SPIDR: variants seen among roughly 807,000 people sequenced by gnomAD.
SPIDR encodes DNA repair-scaffolding protein.
A neutral mutation model predicts 104.6 loss-of-function variants in SPIDR; 93 were observed. That is an observed-to-expected ratio of 0.89 (90% confidence interval 0.75 to 1.06). SPIDR has a LOEUF of 1.06. Among genes scored for constraint, SPIDR ranks in the 50% least tolerant of loss-of-function variants. The probability of loss-of-function intolerance (pLI) is 0.00; values close to 1 mark genes in which losing one functional copy is unlikely to be tolerated. For synonymous variants in SPIDR, 431 were observed against 416.9 expected (o/e 1.03, Z -0.41); for missense variants, 1,154 against 1,111.2 (o/e 1.04, Z -0.55).
chr8:47,295,562 T>C (rs1554572246), intron 5 of SPIDR, among the ~76,000 whole-genome samples: 1,822 of 152,322 alleles, frequency 0.012, 20 homozygotes, highest in Non-Finnish European at 0.02. Flanking sequence ...TGTATTTGTC[T>C]TTGTGTGCCT....
chr8:47,645,490 G>A (rs1416275399), intron 10 of SPIDR, among the ~76,000 whole-genome samples: 3 of 152,066 alleles, frequency 2.0e-5, no homozygotes, highest in South Asian at 4.1e-4. Flanking sequence ...TTGGATATGC[G>A]CTTACCGTGG....
intron 8 of SPIDR, among the ~76,000 whole-genome samples, chr8:47,555,555 A>G (rs1011267074): frequency 3.3e-5 from 5 of 152,200 alleles, no homozygotes; most frequent in East Asian, 1.9e-4. Flanking sequence ...TTAAAAATCT[A>G]TAGTGTTAAC....
intron 8 of SPIDR, among the ~76,000 whole-genome samples, chr8:47,521,976 C>T (rs542632789): frequency 1.3e-5 from 2 of 151,402 alleles, no homozygotes; most frequent in South Asian, 4.2e-4. Context: ...CCAGCCTGGC[C>T]AACATGGTGA....
intron 8 of SPIDR, among the ~76,000 whole-genome samples, chr8:47,481,109 C>G (rs1166980482): frequency 6.6e-6 from 1 of 152,202 alleles, no homozygotes; most frequent in Non-Finnish European, 1.5e-5. Flanking sequence ...CTAATGCTAT[C>G]TTTGTGATGT....
At chr8:47,340,804 A>G (rs1652949398) in intron 5 of SPIDR, among the ~76,000 whole-genome samples, 1 of 152,162 alleles carries the variant, frequency 6.6e-6, no homozygotes, top group Non-Finnish European at 1.5e-5. Flanking sequence ...AATTCTGGAT[A>G]CTAAAGCTCA....
At chr8:47,634,788 C>A (rs1467782492) in intron 10 of SPIDR, among the ~76,000 whole-genome samples, 2 of 152,168 alleles carry the variant, frequency 1.3e-5, no homozygotes, top group African/African-American at 4.8e-5. Flanking sequence ...CACGCCTGGG[C>A]CAGGCAACCT....
At chr8:47,603,126 A>G (rs1471128401) in intron 10 of SPIDR, among the ~76,000 whole-genome samples, 1 of 151,502 alleles carries the variant, frequency 6.6e-6, no homozygotes. Context: ...TGATCATTAG[A>G]TAAATGCATG....
intron 8 of SPIDR, among the ~76,000 whole-genome samples, chr8:47,503,891 T>A (rs2081003141): frequency 1.3e-5 from 2 of 152,230 alleles, no homozygotes; most frequent in South Asian, 4.1e-4. Flanking sequence ...CCTTCACTCA[T>A]GAAGCTTAGT....
chr8:47,640,502 A>G (rs1019092476), intron 10 of SPIDR, among the ~76,000 whole-genome samples: 2 of 152,204 alleles, frequency 1.3e-5, no homozygotes, highest in African/African-American at 4.8e-5. Context: ...GTAGCATATA[A>G]AAAGAGAGAG....
At chr8:47,532,508 A>G (rs1403684782) in intron 8 of SPIDR, among the ~76,000 whole-genome samples, 1 of 152,262 alleles carries the variant, frequency 6.6e-6, no homozygotes, top group Non-Finnish European at 1.5e-5. Flanking sequence ...AACAAAGCCA[A>G]TTTTAGAGCA....
At chr8:47,342,799 C>T (rs2051042786) in intron 5 of SPIDR, among the ~76,000 whole-genome samples, 1 of 152,082 alleles carries the variant, frequency 6.6e-6, no homozygotes, top group African/African-American at 2.4e-5. Context: ...TTAGGCTGTA[C>T]TGTATTAATA....
chr8:47,427,996 C>T (rs998938820), intron 7 of SPIDR, among the ~76,000 whole-genome samples: 2 of 152,232 alleles, frequency 1.3e-5, no homozygotes, highest in Non-Finnish European at 1.5e-5. Context: ...AATCTCAGCT[C>T]ACTGTAACCT....
chr8:47,440,324 T>C lies in SPIDR; in HGVS notation c.879T>C (p.Gly293=), dbSNP rs781834451. 1.7e-5 allele frequency: 27 copies of C among 1,613,426 alleles called. No homozygotes were observed. The East Asian group carries it at 5.8e-4, about 35-fold the overall frequency. ...QCISYQKTLS[G]RKSGVLTVKI... Reference sequence around the variant, plus strand: ...TTTGTTCTTTTCTTCAACTTCTAGGTAGAAAATCTGGTGTATTAACTGTGA... The same window carrying C: ...TTTGTTCTTTTCTTCAACTTCTAGGCAGAAAATCTGGTGTATTAACTGTGA... Residue 293 remains glycine (G), a splice_region_variant and synonymous_variant, in exon 8 of 20, where the codon GGT becomes GGC. Coordinates refer to ENST00000297423, the MANE Select transcript of SPIDR (RefSeq NM_001080394.4).
intron 5 of SPIDR, among the ~76,000 whole-genome samples, chr8:47,383,562 C>T (rs1207466380): frequency 6.6e-6 from 1 of 152,114 alleles, no homozygotes; most frequent in Non-Finnish European, 1.5e-5. Flanking sequence ...TACCACTGAC[C>T]CCCAGACTCC....
At chr8:47,498,761 T>C (rs1173234051) in intron 8 of SPIDR, among the ~76,000 whole-genome samples, 1 of 152,236 alleles carries the variant, frequency 6.6e-6, no homozygotes, top group Non-Finnish European at 1.5e-5. Context: ...GTCCATAGTG[T>C]ATGATATACT....
At chr8:47,387,824 G>A (rs2060130268) in intron 5 of SPIDR, among the ~76,000 whole-genome samples, 1 of 152,194 alleles carries the variant, frequency 6.6e-6, no homozygotes, top group Admixed American at 6.5e-5. Flanking sequence ...TGTCTTCCAA[G>A]TTCATGCTCC....
At position 47,312,116 on chromosome 8, in the gene SPIDR, T is replaced by A. The variant is rs1211803219; in HGVS notation, c.525+18086T>A. ...TGCCACATTTTCTTAATCCAGTCTATCATTGTTGGACATTTGGGTTGGTTC... is the reference window on the plus strand; with the variant it reads ...TGCCACATTTTCTTAATCCAGTCTAACATTGTTGGACATTTGGGTTGGTTC... On this transcript the variant is annotated intron_variant, in intron 5 of 19. Transcript: ENST00000297423. 3.3e-5 allele frequency among the ~76,000 whole-genome samples: 5 copies of A among 152,350 alleles called. No homozygotes were observed. The East Asian group carries it at 7.7e-4, about 24-fold the overall frequency.
chr8:47,351,247 C>G (rs2053457852), intron 5 of SPIDR, among the ~76,000 whole-genome samples: 1 of 152,184 alleles, frequency 6.6e-6, no homozygotes, highest in Non-Finnish European at 1.5e-5. Context: ...ATGGGAAAAT[C>G]TATGGTGAAT....
At chr8:47,354,023 TTGTC>T (rs2154282978) in intron 5 of SPIDR, among the ~76,000 whole-genome samples, 1 of 152,322 alleles carries the variant, frequency 6.6e-6, no homozygotes, top group Non-Finnish European at 1.5e-5. Context: ...TATCACATTC[TTGTC>T]TATTTACTGA....
Sources: gnomAD v4.1 joint callset for allele counts (sites outside exome capture counted in the v4.1 genomes callset) on GRCh38, gnomAD v4.1.1 for gene constraint, MANE v1.5 for transcripts, NCBI Gene and HGNC (gene_info 2026-07-23, HGNC 2026-07-21) for gene names.